CDYL2: variants seen among roughly 807,000 people sequenced by gnomAD.
CDYL2 encodes chromodomain Y-like protein 2.
In CDYL2, 23 loss-of-function variants were observed where a neutral mutation model predicts 49.4. The ratio of observed to expected loss-of-function variants is 0.47; its 90% confidence interval spans 0.34 to 0.66. The LOEUF (loss-of-function observed/expected upper bound fraction) is 0.66, where lower values mean the gene tolerates loss of function less well. CDYL2 is among the 30% of genes least tolerant of loss of function. The probability of loss-of-function intolerance (pLI) is 0.01; values close to 1 mark genes in which losing one functional copy is unlikely to be tolerated. For missense variants in CDYL2, 678 were observed against 656.4 expected (o/e 1.03, Z -0.36); for synonymous variants, 360 against 268.8 (o/e 1.34, Z -3.32).
chr16:80,691,501 G>T (rs1188659335), intron 1 of CDYL2, among the ~76,000 whole-genome samples: 1 of 152,168 alleles, frequency 6.6e-6, no homozygotes, highest in Non-Finnish European at 1.5e-5. Context: ...TCTGACTGGG[G>T]GACTCTGTGG....
intron 1 of CDYL2, among the ~76,000 whole-genome samples, chr16:80,710,361 T>C (rs143157671): frequency 6.6e-6 from 1 of 152,218 alleles, no homozygotes; most frequent in African/African-American, 2.4e-5. Flanking sequence ...AGCAGTCACA[T>C]AACAATATTT....
chr16:80,632,432 T>C (rs1320037120), intron 3 of CDYL2, among the ~76,000 whole-genome samples: 1 of 152,198 alleles, frequency 6.6e-6, no homozygotes, highest in African/African-American at 2.4e-5. Context: ...GAAGTTACTA[T>C]TTCATGTGGG....
intron 1 of CDYL2, among the ~76,000 whole-genome samples, chr16:80,700,915 G>A (rs547832100): frequency 3.3e-5 from 5 of 152,314 alleles, no homozygotes; most frequent in Admixed American, 3.3e-4. Context: ...AACAGAGCAG[G>A]CCATGAGTTG....
chr16:80,803,583 C>G (rs535432952), intron 1 of CDYL2, among the ~76,000 whole-genome samples: 27 of 147,916 alleles, frequency 1.8e-4, no homozygotes, highest in Middle Eastern at 3.5e-3. Context: ...GTTGTCCCCC[C>G]GAACCCCCAC....
chr16:80,694,322 C>T (rs13334386), intron 1 of CDYL2, among the ~76,000 whole-genome samples: 8,757 of 152,232 alleles, frequency 0.058, 441 homozygotes, highest in African/African-American at 0.14. Flanking sequence ...TAACAGGCCA[C>T]GGCCTGGTAC....
At chr16:80,758,927 T>A (rs375284942) in intron 1 of CDYL2, among the ~76,000 whole-genome samples, 1 of 151,596 alleles carries the variant, frequency 6.6e-6, no homozygotes, top group South Asian at 2.1e-4. Flanking sequence ...TACCTCTGGG[T>A]TCTATAATAT....
chr16:80,645,589 G>T (rs536888578), intron 2 of CDYL2, among the ~76,000 whole-genome samples: 46 of 152,114 alleles, frequency 3.0e-4, no homozygotes, highest in Non-Finnish European at 5.3e-4. Flanking sequence ...ATTCCTCAAG[G>T]ATCCAGAACT....
At chr16:80,675,230 C>T (rs1191143003) in intron 2 of CDYL2, among the ~76,000 whole-genome samples, 1 of 152,130 alleles carries the variant, frequency 6.6e-6, no homozygotes, top group Non-Finnish European at 1.5e-5. Context: ...GGTCACAGAC[C>T]CCCAACAGCT....
chr16:80,697,458 C>T (rs1904280883), intron 1 of CDYL2, among the ~76,000 whole-genome samples: 1 of 152,100 alleles, frequency 6.6e-6, no homozygotes, highest in Non-Finnish European at 1.5e-5. Context: ...AACCCACAGC[C>T]AACATCACAC....
intron 2 of CDYL2, among the ~76,000 whole-genome samples, chr16:80,642,406 C>T (rs1385445208): frequency 6.6e-6 from 1 of 152,146 alleles, no homozygotes; most frequent in Non-Finnish European, 1.5e-5. Flanking sequence ...CTCGCCACTG[C>T]AGTCTAGCCT....
intron 1 of CDYL2, among the ~76,000 whole-genome samples, chr16:80,712,083 GTGTGTGTATATA>G (rs1257846658): frequency 6.8e-6 from 1 of 147,802 alleles, no homozygotes; most frequent in East Asian, 2.0e-4. Context: ...GTATATAGAT[GTGTGTGTATATA>G]TATGTGTATA....
At chr16:80,670,030 G>C (rs905375383) in intron 2 of CDYL2, among the ~76,000 whole-genome samples, 2 of 152,162 alleles carry the variant, frequency 1.3e-5, no homozygotes, top group Admixed American at 6.5e-5. Context: ...CCAAGACATG[G>C]GGCACAACAA....
chr16:80,705,778 G>A (rs941557007), intron 1 of CDYL2, among the ~76,000 whole-genome samples: 1 of 152,246 alleles, frequency 6.6e-6, no homozygotes, highest in Non-Finnish European at 1.5e-5. Flanking sequence ...AAACAAATGT[G>A]GCTGTGTTCC....
At chr16:80,755,307 C>T (rs191251271) in intron 1 of CDYL2, among the ~76,000 whole-genome samples, 33 of 152,272 alleles carry the variant, frequency 2.2e-4, no homozygotes, top group Admixed American at 8.5e-4. Flanking sequence ...ATCTTGAATC[C>T]ATGTAAGGTG....
chr16:80,605,555 G>C (rs57750030), intron 6 of CDYL2, among the ~76,000 whole-genome samples: 4,179 of 150,096 alleles, frequency 0.028, 182 homozygotes, highest in African/African-American at 0.096. Flanking sequence ...TCACAGCAAT[G>C]AGCAATAATC....
chr16:80,803,694 G>C (rs1447415205), intron 1 of CDYL2, among the ~76,000 whole-genome samples: 4 of 114,508 alleles, frequency 3.5e-5, no homozygotes, highest in Non-Finnish European at 7.2e-5. Context: ...CGGCCCAGCC[G>C]GGCCGCGCAA....
chr16:80,656,162 A>G (rs1908802712), intron 2 of CDYL2, among the ~76,000 whole-genome samples: 1 of 152,256 alleles, frequency 6.6e-6, no homozygotes, highest in African/African-American at 2.4e-5. Flanking sequence ...TCAATCAATT[A>G]AAGAACTGAC....
At chr16:80,688,421 A>G (rs1217167495) in intron 1 of CDYL2, among the ~76,000 whole-genome samples, 3 of 152,192 alleles carry the variant, frequency 2.0e-5, no homozygotes, top group Non-Finnish European at 4.4e-5. Context: ...ATATAATAAT[A>G]AAGAAAAACT....
chr16:80,729,640 G>C (rs1181228667), intron 1 of CDYL2, among the ~76,000 whole-genome samples: 3 of 152,134 alleles, frequency 2.0e-5, no homozygotes, highest in Non-Finnish European at 4.4e-5. Context: ...CAAATCAACA[G>C]AATATACATT....
Sources: gnomAD v4.1 joint callset for allele counts (sites outside exome capture counted in the v4.1 genomes callset) on GRCh38, gnomAD v4.1.1 for gene constraint, MANE v1.5 for transcripts, NCBI Gene and HGNC (gene_info 2026-07-23, HGNC 2026-07-21) for gene names.